The following CCDC171 variants were observed in gnomAD, a reference collection of about 807,000 sequenced individuals.
CCDC171 encodes coiled-coil domain containing 171.
A neutral mutation model predicts 168.2 loss-of-function variants in CCDC171; 177 were observed. That is an observed-to-expected ratio of 1.05 (90% CI 0.93 to 1.19). CCDC171 has a LOEUF of 1.19. CCDC171 is among the 50% of genes most tolerant of loss of function. The pLI is 0.00. For missense variants in CCDC171, 1,991 were observed against 1,539.0 expected, an observed-to-expected ratio of 1.29 and a Z score of -4.91; for synonymous variants, 687 against 540.8, an observed-to-expected ratio of 1.27 and a Z score of -3.75.
At chr9:15,554,866 G>C (rs936864295) in intron 1 of CCDC171, among the ~76,000 whole-genome samples, 3 of 152,152 alleles carry the variant, frequency 2.0e-5, no homozygotes, top group African/African-American at 7.2e-5. Flanking sequence ...TGTGAAATGT[G>C]CATAATCTCA....
intron 7 of CCDC171, among the ~76,000 whole-genome samples, chr9:16,035,740 C>T (rs1833453048): frequency 6.6e-6 from 1 of 152,178 alleles, no homozygotes; most frequent in African/African-American, 2.4e-5. Flanking sequence ...TCTCCCCTTA[C>T]TGAAGATTAG....
intron 21 of CCDC171, among the ~76,000 whole-genome samples, chr9:15,793,646 T>G (rs146758718): frequency 1.6e-4 from 22 of 141,086 alleles, no homozygotes; most frequent in Middle Eastern, 3.8e-3. Flanking sequence ...ACTCTCCAGG[T>G]TCAAGTGATT....
At position 15,818,201 on chromosome 9, in the gene CCDC171, C is replaced by T. The variant is rs899977509; in HGVS notation, c.3268-28501C>T. Among the ~76,000 whole-genome samples the T allele has an allele frequency of 2.6e-5, 3 of 116,398 alleles. 1 individual carries two copies. Among genetic ancestry groups the T allele is most frequent in the African/African-American group, 9.8e-5 (3 of 30,756 alleles). 76.4% of individuals were successfully genotyped at this position (116,398 alleles called of 152,430 possible). A position where few individuals can be genotyped will look rare whatever the true frequency, so the allele number is the denominator to read the frequency against. ...ACACCAAAACCCCATCTGTACGTCACCATCATCAAAGACCAAAGGTAGCTA... is the reference window on the plus strand; with the variant it reads ...ACACCAAAACCCCATCTGTACGTCATCATCATCAAAGACCAAAGGTAGCTA... On this transcript the variant is annotated intron_variant, in intron 21 of 25. Coordinates refer to ENST00000380701, the MANE Select transcript of CCDC171 (RefSeq NM_173550.4).
At chr9:15,781,239 G>C (rs771701165) in intron 20 of CCDC171, among the ~76,000 whole-genome samples, 1 of 152,132 alleles carries the variant, frequency 6.6e-6, no homozygotes, top group Non-Finnish European at 1.5e-5. Context: ...AAGTAGTCAG[G>C]ACTTAATTTC....
chr9:15,575,877 A>G (rs778438440), intron 3 of CCDC171, among the ~76,000 whole-genome samples: 4 of 152,150 alleles, frequency 2.6e-5, no homozygotes, highest in Non-Finnish European at 5.9e-5. Flanking sequence ...AAATCACTTG[A>G]GGTCGGGAGT....
At chr9:15,638,414 A>G (rs1051648184) in intron 7 of CCDC171, among the ~76,000 whole-genome samples, 5 of 152,126 alleles carry the variant, frequency 3.3e-5, no homozygotes, top group Non-Finnish European at 7.4e-5. Context: ...ACTACCAGTA[A>G]TACTAGGTAC....
At chr9:15,833,340 C>G (rs2060313685) in intron 21 of CCDC171, among the ~76,000 whole-genome samples, 1 of 152,026 alleles carries the variant, frequency 6.6e-6, no homozygotes, top group Admixed American at 6.6e-5. Context: ...CCAATGTTGA[C>G]CAAAACCTTA....
intron 4 of CCDC171, among the ~76,000 whole-genome samples, chr9:15,584,540 T>A (rs2041400416): frequency 6.6e-6 from 1 of 152,186 alleles, no homozygotes; most frequent in South Asian, 2.1e-4. Flanking sequence ...GCCTGTTTGT[T>A]CAGTAGCATT....
chr9:15,634,149 C>T (rs1045189157), intron 7 of CCDC171, among the ~76,000 whole-genome samples: 1 of 151,946 alleles, frequency 6.6e-6, no homozygotes, highest in Non-Finnish European at 1.5e-5. Context: ...ATATTGTGTA[C>T]ATGTACCCTA....
At chr9:15,758,352 G>A (rs533858695) in intron 18 of CCDC171, among the ~76,000 whole-genome samples, 53 of 152,304 alleles carry the variant, frequency 3.5e-4, no homozygotes, top group African/African-American at 1.2e-3. Context: ...TTGGACTTGC[G>A]TGGGGCCTGT....
At position 15,615,115 on chromosome 9, in the gene CCDC171, ATAT is replaced by A. The variant is rs1236627331; in HGVS notation, c.676-8148_676-8146del. On this transcript the variant is annotated intron_variant, in intron 6 of 25. Transcript: ENST00000380701. Reference sequence around the variant, plus strand: ...CTCAGTTATGAATATATATGCAAAAATATTATACAAAATATTAGCTAACCAAAT... The same window carrying A: ...CTCAGTTATGAATATATATGCAAAAATATACAAAATATTAGCTAACCAAAT... Among the ~76,000 whole-genome samples the A allele has an allele frequency of 2.6e-5, 4 of 152,316 alleles. No individual in the cohort carries two copies. The East Asian group carries it at 7.7e-4, about 29-fold the overall frequency.
chr9:15,780,466 A>G (rs1222178241), intron 20 of CCDC171, among the ~76,000 whole-genome samples: 1 of 152,144 alleles, frequency 6.6e-6, no homozygotes, highest in East Asian at 1.9e-4. Flanking sequence ...GAAGGTTACT[A>G]GAGGCCAGGA....
At chr9:16,066,833 T>A in the CCDC171 span, among the ~76,000 whole-genome samples, 103 of 149,268 alleles carry the variant, frequency 6.9e-4, no homozygotes, top group African/African-American at 2.4e-3. Flanking sequence ...GGTGTATATG[T>A]GCCACATTTT....
At chr9:16,001,977 C>T (rs1832560059) in intron 3 of CCDC171, among the ~76,000 whole-genome samples, 2 of 151,174 alleles carry the variant, frequency 1.3e-5, no homozygotes, top group Admixed American at 6.6e-5. Flanking sequence ...GCTGGGACTA[C>T]AGGCAGGAGC....
At chr9:15,913,651 G>A (rs1824047799) in intron 24 of CCDC171, among the ~76,000 whole-genome samples, 1 of 152,044 alleles carries the variant, frequency 6.6e-6, no homozygotes, top group South Asian at 2.1e-4. Context: ...CTGTCCATTT[G>A]TCAAATTCAT....
At chr9:15,743,003 T>G (rs1280748444) in intron 16 of CCDC171, among the ~76,000 whole-genome samples, 2 of 151,948 alleles carry the variant, frequency 1.3e-5, no homozygotes, top group African/African-American at 4.8e-5. Flanking sequence ...GGTCCTAAAC[T>G]CCTGCCCTCA....
chr9:15,830,674 T>G (rs2060193146), intron 21 of CCDC171, among the ~76,000 whole-genome samples: 1 of 152,182 alleles, frequency 6.6e-6, no homozygotes, highest in Non-Finnish European at 1.5e-5. Context: ...AAATACTGAT[T>G]GTTCATTATT....
chr9:15,809,836 C>A (rs2059257095), intron 21 of CCDC171, among the ~76,000 whole-genome samples: 1 of 152,194 alleles, frequency 6.6e-6, no homozygotes, highest in Admixed American at 6.5e-5. Flanking sequence ...CTGCCTGGGG[C>A]AGCCTGCTTT....
chr9:15,788,951 A>T (rs1288009350), intron 21 of CCDC171, among the ~76,000 whole-genome samples: 2 of 151,816 alleles, frequency 1.3e-5, no homozygotes, highest in African/African-American at 4.8e-5. Flanking sequence ...CTTGGATTAG[A>T]CATTCCCTGC....
Sources: gnomAD v4.1 joint callset for allele counts (sites outside exome capture counted in the v4.1 genomes callset) on GRCh38, gnomAD v4.1.1 for gene constraint, MANE v1.5 for transcripts, NCBI Gene and HGNC (gene_info 2026-07-23, HGNC 2026-07-21) for gene names.